LARGE1: variants seen among roughly 807,000 people sequenced by gnomAD.
The protein encoded by LARGE1 is xylosyl- and glucuronyltransferase LARGE1.
In LARGE1, 43 loss-of-function variants were observed where a neutral mutation model predicts 87.6. The ratio of observed to expected loss-of-function variants is 0.49; its 90% CI spans 0.38 to 0.63. The LOEUF (loss-of-function observed/expected upper bound fraction) is 0.63. Ranked by LOEUF, LARGE1 falls within the 30% of genes least tolerant of loss-of-function variation. LARGE1 has a pLI of 0.00. For missense variants in LARGE1, 802 were observed against 1,000.2 expected, an observed-to-expected ratio of 0.80 and a Z score of 2.67; for synonymous variants, 434 against 394.6, an observed-to-expected ratio of 1.10 and a Z score of -1.18.
At chr22:33,245,896 G>A (rs1246279730) in intron 11 of LARGE1, among the ~76,000 whole-genome samples, 1 of 152,126 alleles carries the variant, frequency 6.6e-6, no homozygotes, top group African/African-American at 2.4e-5. Flanking sequence ...GCAACAGAAC[G>A]AGACTCCATC....
intron 9 of LARGE1, among the ~76,000 whole-genome samples, chr22:33,358,801 A>G (rs544487669): frequency 1.3e-5 from 2 of 152,156 alleles, no homozygotes; most frequent in African/African-American, 4.8e-5. Flanking sequence ...CCTGGCTAAC[A>G]CAGTGAAAAT....
chr22:33,738,622 G>A (rs1196003376), intron 2 of LARGE1, among the ~76,000 whole-genome samples: 1 of 152,178 alleles, frequency 6.6e-6, no homozygotes, highest in Non-Finnish European at 1.5e-5. Context: ...CACTTTCGGA[G>A]GCCGAGGCAG....
intron 5 of LARGE1, among the ~76,000 whole-genome samples, chr22:33,602,117 T>C (rs2079128571): frequency 6.6e-6 from 1 of 152,174 alleles, no homozygotes; most frequent in South Asian, 2.1e-4. Context: ...TAAGAAGCTG[T>C]CATGTCGTGT....
At chr22:33,525,832 T>C (rs2071862988) in intron 6 of LARGE1, among the ~76,000 whole-genome samples, 1 of 152,152 alleles carries the variant, frequency 6.6e-6, no homozygotes, top group Non-Finnish European at 1.5e-5. Flanking sequence ...ACTTGTAAAA[T>C]ACAGCCTTGC....
chr22:33,311,395 C>A (rs370571700), intron 11 of LARGE1, among the ~76,000 whole-genome samples: 2 of 152,226 alleles, frequency 1.3e-5, no homozygotes, highest in South Asian at 2.1e-4. Context: ...TGGGTTTGAG[C>A]TGTTAATAAC....
intron 1 of LARGE1, among the ~76,000 whole-genome samples, chr22:33,769,273 C>G (rs996223690): frequency 3.9e-5 from 6 of 152,184 alleles, no homozygotes; most frequent in Non-Finnish European, 8.8e-5. Flanking sequence ...ATTACACCCA[C>G]CTTACCAAAT....
chr22:33,696,987 C>T (rs1179427401), intron 2 of LARGE1, among the ~76,000 whole-genome samples: 1 of 152,028 alleles, frequency 6.6e-6, no homozygotes, highest in Non-Finnish European at 1.5e-5. Context: ...CCCTTACATA[C>T]ATCAAAAGCC....
chr22:33,677,130 T>C lies in LARGE1; in HGVS notation c.107-26462A>G, dbSNP rs374001804. Among the ~76,000 whole-genome samples the C allele has an allele frequency of 3.9e-5, 6 of 152,126 alleles. No individual in the cohort carries two copies. In the East Asian group the frequency reaches 9.7e-4, roughly 24 times the overall value. On this transcript the variant is annotated intron_variant, in intron 2 of 14. Coordinates refer to ENST00000397394, the MANE Select transcript of LARGE1 (RefSeq NM_133642.5). ...GGCCAGCATTAGAACCCAGGTGTGT[T>C]GATGTGTTAATGCTCAGGTTCTTCT...
intron 5 of LARGE1, among the ~76,000 whole-genome samples, chr22:33,586,672 T>C (rs1337628743): frequency 6.6e-6 from 1 of 152,090 alleles, no homozygotes; most frequent in African/African-American, 2.4e-5. Flanking sequence ...TTAGCCAGGA[T>C]GGTCTCGATC....
intron 12 of LARGE1, among the ~76,000 whole-genome samples, chr22:33,300,382 A>G (rs1933984133): frequency 6.6e-6 from 1 of 152,152 alleles, no homozygotes; most frequent in Non-Finnish European, 1.5e-5. Flanking sequence ...TAATTAACAA[A>G]TGTGTTTTTT....
chr22:33,609,684 C>T (rs1412614723), intron 4 of LARGE1, among the ~76,000 whole-genome samples: 1 of 152,022 alleles, frequency 6.6e-6, no homozygotes, highest in South Asian at 2.1e-4. Context: ...GGCTGTGATA[C>T]AGTTTGGATA....
At chr22:33,701,486 G>A (rs2082402494) in intron 2 of LARGE1, among the ~76,000 whole-genome samples, 3 of 152,194 alleles carry the variant, frequency 2.0e-5, no homozygotes, top group African/African-American at 7.2e-5. Flanking sequence ...TGGTAGTGTA[G>A]GGTGGAACGT....
chr22:33,259,458 T>G (rs1365023448), intron 11 of LARGE1, among the ~76,000 whole-genome samples: 1 of 152,020 alleles, frequency 6.6e-6, no homozygotes, highest in South Asian at 2.1e-4. Flanking sequence ...GCTGGTCAAC[T>G]GCCTTCCATT....
chr22:33,526,585 G>A (rs530038713), intron 6 of LARGE1, among the ~76,000 whole-genome samples: 123 of 152,364 alleles, frequency 8.1e-4, no homozygotes, highest in South Asian at 2.7e-3. Context: ...TGCAGTATCC[G>A]TGTGCTCTCA....
At chr22:33,175,836 G>A (rs559429363) in intron 11 of LARGE1, among the ~76,000 whole-genome samples, 18 of 152,036 alleles carry the variant, frequency 1.2e-4, no homozygotes, top group African/African-American at 1.7e-4. Flanking sequence ...AAAAGAGCCC[G>A]CATTACCAAG....
intron 5 of LARGE1, among the ~76,000 whole-genome samples, chr22:33,575,565 C>T (rs1297573272): frequency 6.6e-6 from 1 of 152,134 alleles, no homozygotes; most frequent in African/African-American, 2.4e-5. Context: ...ATATTAGCAA[C>T]TTAGAAGGAA....
intron 8 of LARGE1, 146 bp from the exon 9 acceptor site, chr22:33,382,190 T>C (rs2065182412): frequency 1.0e-6 from 1 of 989,848 alleles, no homozygotes; most frequent in Non-Finnish European, 1.5e-6. Flanking sequence ...GTGAGGCATC[T>C]CTCTTGCCTG....
the LARGE1 span, among the ~76,000 whole-genome samples, chr22:33,097,603 T>C: frequency 6.6e-6 from 1 of 152,194 alleles, no homozygotes; most frequent in Non-Finnish European, 1.5e-5. Flanking sequence ...GACACCTCTT[T>C]CCAAGATAAT....
At chr22:33,099,698 A>G in the LARGE1 span, among the ~76,000 whole-genome samples, 1 of 152,226 alleles carries the variant, frequency 6.6e-6, no homozygotes, top group Non-Finnish European at 1.5e-5. Flanking sequence ...TGAAGTTGGC[A>G]TTAAATATAG....
Sources: allele counts gnomAD v4.1 joint callset (sites outside exome capture counted in the v4.1 genomes callset), GRCh38; gene constraint gnomAD v4.1.1; transcripts MANE v1.5; gene names NCBI Gene and HGNC (gene_info 2026-07-23, HGNC 2026-07-21).